XXYLT1: variants seen among roughly 807,000 people sequenced by gnomAD.
XXYLT1 encodes UDP-xylose:alpha-xyloside alpha-1,3-xylosyltransferase.
Under a neutral mutation model 28.9 loss-of-function variants are expected in XXYLT1, and 20 were observed. The ratio of observed to expected loss-of-function variants is 0.69; its 90% CI spans 0.49 to 1.00. XXYLT1 has a LOEUF of 1.00. Among genes scored for constraint, XXYLT1 ranks in the 50% least tolerant of loss-of-function variants. The pLI is 0.00. For missense variants in XXYLT1, 542 were observed against 560.1 expected (o/e 0.97, Z 0.33); for synonymous variants, 257 against 253.8 (o/e 1.01, Z -0.12).
intron 1 of XXYLT1, among the ~76,000 whole-genome samples, chr3:195,265,284 C>T (rs548428412): frequency 6.5e-4 from 98 of 151,420 alleles, no homozygotes; most frequent in Middle Eastern, 6.8e-3. Context: ...GCAGGAGAAT[C>T]GCTTGAAAGG....
At chr3:195,248,606 T>C (rs1413454905) in intron 1 of XXYLT1, among the ~76,000 whole-genome samples, 4 of 152,232 alleles carry the variant, frequency 2.6e-5, no homozygotes, top group Non-Finnish European at 5.9e-5. Flanking sequence ...CACATGGAAC[T>C]GTAAGTCCAT....
chr3:195,236,793 G>C (rs1244134278), intron 1 of XXYLT1, among the ~76,000 whole-genome samples: 1 of 151,984 alleles, frequency 6.6e-6, no homozygotes, highest in Non-Finnish European at 1.5e-5. Context: ...GGGTCCAGGG[G>C]CTCTTTCGTC....
At chr3:195,090,480 A>G (rs201558452) in intron 3 of XXYLT1, among the ~76,000 whole-genome samples, 45,194 of 146,350 alleles carry the variant, frequency 0.31, 8,373 homozygotes, top group East Asian at 0.52. Flanking sequence ...TGAAACCAAC[A>G]AGAACAAAGA....
intron 3 of XXYLT1, among the ~76,000 whole-genome samples, chr3:195,072,441 C>T (rs1714877537): frequency 6.6e-6 from 1 of 152,148 alleles, no homozygotes; most frequent in Admixed American, 6.5e-5. Context: ...CAAGGAGGAG[C>T]AAACAGTGAA....
intron 1 of XXYLT1, among the ~76,000 whole-genome samples, chr3:195,230,547 T>C (rs1003624935): frequency 1.3e-5 from 2 of 152,188 alleles, no homozygotes; most frequent in Admixed American, 6.5e-5. Context: ...TAATCCACTT[T>C]GTTTTTTTAT....
chr3:195,163,068 G>C (rs1409919067), intron 2 of XXYLT1, among the ~76,000 whole-genome samples: 1 of 152,104 alleles, frequency 6.6e-6, no homozygotes, highest in African/African-American at 2.4e-5. Flanking sequence ...GTTCACAACA[G>C]TTAGACCGAT....
chr3:195,140,235 T>C (rs1338591625), intron 3 of XXYLT1, among the ~76,000 whole-genome samples: 1 of 152,244 alleles, frequency 6.6e-6, no homozygotes, highest in Non-Finnish European at 1.5e-5. Flanking sequence ...CATGGAATTA[T>C]GGCCAAATCC....
intron 3 of XXYLT1, among the ~76,000 whole-genome samples, chr3:195,144,951 A>C (rs1194919248): frequency 3.9e-5 from 6 of 152,132 alleles, no homozygotes; most frequent in African/African-American, 1.2e-4. Flanking sequence ...TTCTTTGTAA[A>C]TAATATGATT....
chr3:195,079,699 A>G (rs143884916), intron 3 of XXYLT1, among the ~76,000 whole-genome samples: 160 of 152,250 alleles, frequency 1.1e-3, no homozygotes, highest in Non-Finnish European at 1.5e-3. Flanking sequence ...GGCTGGGAGC[A>G]GAGAGGGACA....
In XXYLT1 at chr3:195,089,250, G is replaced by A. The variant is rs1715993933; in HGVS notation, c.786-19139C>T. ...CAGATTTACCAAAGTTGAAATGAAG[G>A]AAAAAATGTTAAGGGCAGCCAGAGA... On this transcript the variant is annotated intron_variant, in intron 3 of 3. Coordinates refer to ENST00000310380, the MANE Select transcript of XXYLT1 (RefSeq NM_152531.5). Among the ~76,000 whole-genome samples, 8 of 152,144 alleles carry A rather than the reference G, an allele frequency of 5.3e-5. No homozygotes were observed. In the South Asian group the frequency reaches 1.7e-3, roughly 32 times the overall value.
At chr3:195,174,024 AAGG>A (rs1560134491) in intron 2 of XXYLT1, among the ~76,000 whole-genome samples, 1 of 152,186 alleles carries the variant, frequency 6.6e-6, no homozygotes, top group Admixed American at 6.5e-5. Flanking sequence ...CTCAAGGCAG[AAGG>A]AGGACACCAG....
chr3:195,201,918 C>T (rs1459994769), intron 2 of XXYLT1, among the ~76,000 whole-genome samples: 3 of 152,330 alleles, frequency 2.0e-5, no homozygotes, highest in Middle Eastern at 3.4e-3. Context: ...GTGGCTCACA[C>T]CTGTAATCTC....
At chr3:195,246,267 G>A (rs1725019945) in intron 1 of XXYLT1, among the ~76,000 whole-genome samples, 1 of 152,226 alleles carries the variant, frequency 6.6e-6, no homozygotes, top group Admixed American at 6.5e-5. Context: ...TGTCACGACT[G>A]GAAGAAAGAA....
intron 2 of XXYLT1, among the ~76,000 whole-genome samples, chr3:195,206,011 T>C (rs1285135700): frequency 6.6e-6 from 1 of 151,320 alleles, no homozygotes; most frequent in Admixed American, 6.6e-5. Context: ...ATCTTAAAAT[T>C]TAAAGTTTAA....
chr3:195,109,837 G>GCA (rs1717408050), intron 3 of XXYLT1, among the ~76,000 whole-genome samples: 1 of 54,774 alleles, frequency 1.8e-5, no homozygotes, highest in Non-Finnish European at 3.9e-5. Flanking sequence ...GAGTGTGCGT[G>GCA]TGTGTGGTGT....
At chr3:195,230,544 C>T (rs1360715504) in intron 1 of XXYLT1, among the ~76,000 whole-genome samples, 1 of 151,854 alleles carries the variant, frequency 6.6e-6, no homozygotes, top group Non-Finnish European at 1.5e-5. Context: ...CTTTAATCCA[C>T]TTTGTTTTTT....
At chr3:195,072,186 C>T (rs532106138) in intron 3 of XXYLT1, among the ~76,000 whole-genome samples, 2 of 151,916 alleles carry the variant, frequency 1.3e-5, no homozygotes, top group Admixed American at 6.6e-5. Context: ...GTGCAGCTGT[C>T]GACACCGGGT....
chr3:195,148,651 G>A (rs1482690791), intron 3 of XXYLT1, among the ~76,000 whole-genome samples: 1 of 152,150 alleles, frequency 6.6e-6, no homozygotes, highest in Non-Finnish European at 1.5e-5. Flanking sequence ...CCTTCCAGAC[G>A]TGACGGTCAC....
chr3:195,126,320 C>T (rs112427924), intron 3 of XXYLT1, among the ~76,000 whole-genome samples: 94 of 152,308 alleles, frequency 6.2e-4, no homozygotes, highest in African/African-American at 2.1e-3. Flanking sequence ...CCCTCTTTGG[C>T]GCTGTCCTGG....
Sources: allele counts gnomAD v4.1 joint callset (sites outside exome capture counted in the v4.1 genomes callset), GRCh38; gene constraint gnomAD v4.1.1; transcripts MANE v1.5; gene names NCBI Gene and HGNC (gene_info 2026-07-23, HGNC 2026-07-21).